The following PHC2 variants were observed in gnomAD, a reference collection of about 807,000 sequenced individuals.
PHC2 encodes the protein polyhomeotic homolog 2, also known as polyhomeotic-like protein 2.
A neutral mutation model predicts 87.4 loss-of-function variants in PHC2; 29 were observed. The observed-to-expected ratio is 0.33, with a 90% CI of 0.25 to 0.45. The LOEUF (loss-of-function observed/expected upper bound fraction) is 0.45. PHC2 is among the 20% of genes least tolerant of loss of function. PHC2 has a pLI of 1.00. For missense variants in PHC2, 857 were observed against 1,136.7 expected, an observed-to-expected ratio of 0.75 and a Z score of 3.54; for synonymous variants, 438 against 461.7, an observed-to-expected ratio of 0.95 and a Z score of 0.66.
In PHC2 at chr1:33,328,919, G is replaced by C; in HGVS notation, c.2376C>G (p.Pro792=). 1 of 1,613,836 alleles carries C rather than the reference G, an allele frequency of 6.2e-7. No homozygotes were observed. Among genetic ancestry groups the C allele is most frequent in the Non-Finnish European group, 8.5e-7 (1 of 1,179,734 alleles). ...GMGHHFLPSE[P]TKWNVEDVYE... is the part of the protein sequence containing the mutation. The stretch of plus-strand genomic sequence containing the variant: ...AGACGTCTTCTACATTCCACTTGGT[G>C]GGCTCACTTGGCAGGAAGTGGTGTC... Residue 792 remains proline, a synonymous_variant, in exon 14 of 15, where the codon CCC becomes CCG. Transcript: ENST00000683057.
chr1:33,412,657 A>T (rs1650030948), intron 1 of PHC2, among the ~76,000 whole-genome samples: 1 of 152,216 alleles, frequency 6.6e-6, no homozygotes, highest in Non-Finnish European at 1.5e-5. Context: ...TATGTACCCT[A>T]TCTAGCCCCT....
At chr1:33,348,543 CTGATGGACAATG>C (rs1030444273) in intron 9 of PHC2, among the ~76,000 whole-genome samples, 5 of 152,164 alleles carry the variant, frequency 3.3e-5, no homozygotes, top group Admixed American at 3.3e-4. Flanking sequence ...GATACTCAGG[CTGATGGACAATG>C]GGATGGAATA....
chr1:33,358,568 C>T (rs866209684), intron 7 of PHC2, among the ~76,000 whole-genome samples: 9 of 152,126 alleles, frequency 5.9e-5, no homozygotes, highest in Admixed American at 2.0e-4. Context: ...TTCCTGATTC[C>T]AGTTTCTTCT....
At chr1:33,351,169 A>G (rs1428595950) in intron 9 of PHC2, among the ~76,000 whole-genome samples, 1 of 152,256 alleles carries the variant, frequency 6.6e-6, no homozygotes, top group Admixed American at 6.5e-5. Flanking sequence ...CAGGAAAGCA[A>G]CCACAGACAA....
chr1:33,422,248 A>G (rs1033733186), intron 1 of PHC2, among the ~76,000 whole-genome samples: 1 of 148,396 alleles, frequency 6.7e-6, no homozygotes, highest in Non-Finnish European at 1.5e-5. Context: ...GTACAATACC[A>G]TAATTAATGT....
rs756763263 is a variant in PHC2, at chr1:33,368,670, C to A, written c.577-48G>T. On this transcript the variant is annotated intron_variant, in intron 5 of 14. Transcript: ENST00000683057. This position sits in a 1 kb window ranked among gnomAD's most constrained non-coding sequence, Gnocchi z 6.6. ...CCGCCTAGGCTCCTAGCTACCTGCA[C>A]CAGGTTACCTGGCTGGGCCTGGAAT... is the stretch of plus-strand genomic sequence containing the variant. 1.5e-6 allele frequency: 2 copies of A among 1,374,624 alleles called. No homozygotes were observed. Among genetic ancestry groups the A allele is most frequent in the East Asian group, 5.0e-5 (2 of 40,136 alleles). 85.2% of individuals were successfully genotyped at this position (1,374,624 alleles called of 1,614,324 possible). A position where few individuals can be genotyped will look rare whatever the true frequency, so the allele number is the denominator to read the frequency against.
intron 9 of PHC2, chr1:33,347,489 G>A: frequency 5.1e-6 from 5 of 985,270 alleles, no homozygotes; most frequent in Non-Finnish European, 6.0e-6. Context: ...GAGTGGAAAG[G>A]GCCAGGAGGT....
At chr1:33,335,436 G>T in intron 9 of PHC2, 5 of 595,740 alleles carry the variant, frequency 8.4e-6, no homozygotes, top group Non-Finnish European at 1.1e-5. Flanking sequence ...TGAGGTATGA[G>T]TGATATATAC....
At chr1:33,351,424 A>G (rs138034042) in intron 9 of PHC2, among the ~76,000 whole-genome samples, 5 of 152,324 alleles carry the variant, frequency 3.3e-5, no homozygotes, top group African/African-American at 1.2e-4. Flanking sequence ...CCTCCCTGAA[A>G]TCTATCCTGA....
At position 33,324,807 on chromosome 1, in the gene PHC2, C is replaced by T; in HGVS notation, c.*58G>A. The T allele has an allele frequency of 6.5e-7, 1 of 1,543,078 alleles. No individual in the cohort carries two copies. The highest frequency in any genetic ancestry group is 8.8e-7 in the Non-Finnish European group (1 of 1,140,446). On this transcript the variant is annotated 3_prime_UTR_variant, in exon 15 of 15. Transcript: ENST00000683057. ...TTCTGGGCCCCTCAGGAATGTCTGT[C>T]TGGCTCTGCTCAGTCGGGAGGAGGC...
rs375519469 is a variant in PHC2 at position 33,416,305 on chromosome 1, C to T, written c.-55+14671G>A. Among the ~76,000 whole-genome samples, 267 of 152,004 alleles carry T rather than the reference C, an allele frequency of 1.8e-3. 1 individual carries two copies. The highest frequency in any genetic ancestry group is 6.2e-3 in the African/African-American group (259 of 41,458). On this transcript the variant is annotated intron_variant, in intron 1 of 14. Transcript: ENST00000683057. Reference sequence around the variant, plus strand: ...ATTTCTGGCCAGGAGCGGTGGCTCACGCCTGTAATCCTAGCACTTTGGGAA... The same window carrying T: ...ATTTCTGGCCAGGAGCGGTGGCTCATGCCTGTAATCCTAGCACTTTGGGAA...
At chr1:33,356,327 G>C (rs1033596008) in intron 7 of PHC2, among the ~76,000 whole-genome samples, 1 of 132,168 alleles carries the variant, frequency 7.6e-6, no homozygotes, top group African/African-American at 2.6e-5. Flanking sequence ...TCATTCTTGG[G>C]TGTTTCTCGG....
At chr1:33,330,338 T>C in intron 12 of PHC2, 126 bp from the exon 13 acceptor site, 1 of 942,604 alleles carries the variant, frequency 1.1e-6, no homozygotes, top group South Asian at 1.5e-5. Context: ...CCTAACTCCA[T>C]CACTAACTAC....
rs745646687 is a variant in PHC2, at chr1:33,324,890, C to T, written c.2555G>A (p.Arg852His). ...CTAGGAGTCCTTGAGCATGCTGATGCGGGCGTAGATCTTCAGGGCGGGCCC... is the reference window on the plus strand; with the variant it reads ...CTAGGAGTCCTTGAGCATGCTGATGTGGGCGTAGATCTTCAGGGCGGGCCC... ...KLGPALKIYA[R>H]ISMLKDS Residue 852 changes from arginine (R) to histidine (H), a missense_variant, in exon 15 of 15, where the codon CGC (arginine) becomes CAC (histidine). Transcript: ENST00000683057. 5 of 1,613,082 alleles carry T rather than the reference C, an allele frequency of 3.1e-6. No individual in the cohort carries two copies. Among genetic ancestry groups the T allele is most frequent in the Admixed American group, 1.7e-5 (1 of 59,928 alleles).
chr1:33,324,697 G>T lies in PHC2; in HGVS notation c.*168C>A. The T allele has an allele frequency of 3.6e-6, 2 of 563,036 alleles. No homozygotes were observed. Among genetic ancestry groups the T allele is most frequent in the South Asian group, 6.4e-5 (2 of 31,398 alleles). 34.9% of individuals were successfully genotyped at this position (563,036 alleles called of 1,614,324 possible). On this transcript the variant is annotated 3_prime_UTR_variant, in exon 15 of 15. Transcript: ENST00000683057. ...TCTGCCCCTCCCACAGAAATGAAAG[G>T]CCCCTGAGAGCCATGGAGGAGGTGC...
rs974534850 is a variant in PHC2, at chr1:33,375,407, T to A, written c.133A>T (p.Ile45Phe). ...TCTGGAATACCACTGTACACAGAAA[T>A]CTGGGGCCCGGTGGGGCGGCCACTT... The part of the protein sequence containing the change: ...GGSGRPTGPQ[I>F]SVYSGIPDRQ... The change falls in exon 2 of 15, where the codon ATT becomes TTT. Residue 45 changes from isoleucine (I) to phenylalanine (F), a missense_variant. Coordinates refer to ENST00000683057, the MANE Select transcript of PHC2 (RefSeq NM_001385109.1). 3 of 1,610,540 alleles carry A rather than the reference T, an allele frequency of 1.9e-6. No individual in the cohort carries two copies. Among genetic ancestry groups the A allele is most frequent in the African/African-American group, 2.7e-5 (2 of 74,804 alleles).
chr1:33,342,093 C>T (rs1013065702), intron 9 of PHC2, among the ~76,000 whole-genome samples: 1 of 152,202 alleles, frequency 6.6e-6, no homozygotes, highest in South Asian at 2.1e-4. Context: ...GCTTTTCAGG[C>T]ACAGGAGGGT....
chr1:33,341,799 C>T (rs960292636), intron 9 of PHC2, among the ~76,000 whole-genome samples: 2 of 152,202 alleles, frequency 1.3e-5, no homozygotes, highest in African/African-American at 4.8e-5. Context: ...TCTTGTAAAA[C>T]ATGCACAAAA....
chr1:33,378,940 G>C (rs377540302), intron 1 of PHC2, among the ~76,000 whole-genome samples: 1 of 152,034 alleles, frequency 6.6e-6, no homozygotes, highest in South Asian at 2.1e-4. Context: ...AAAAGCCAAA[G>C]TCATCATTAA....
Sources: allele counts gnomAD v4.1 joint callset (sites outside exome capture counted in the v4.1 genomes callset), GRCh38; gene constraint gnomAD v4.1.1; non-coding constraint Gnocchi (gnomAD v3.1); transcripts MANE v1.5; gene names NCBI Gene and HGNC (gene_info 2026-07-23, HGNC 2026-07-21).